Variants in DHRSX observed in about 807,000 individuals in gnomAD.
DHRSX encodes polyprenol dehydrogenase.
In DHRSX, 31 loss-of-function variants were observed where a neutral mutation model predicts 34.0. The observed-to-expected ratio is 0.91, with a 90% CI of 0.69 to 1.23. The LOEUF (loss-of-function observed/expected upper bound fraction) is 1.23. Among genes scored for constraint, DHRSX ranks in the 50% most tolerant of loss-of-function variants. The pLI, the probability that DHRSX is intolerant of heterozygous loss-of-function variation, is 0.00. For missense variants in DHRSX, 414 were observed against 428.1 expected, an observed-to-expected ratio of 0.97 and a Z score of 0.29; for synonymous variants, 201 against 183.8, an observed-to-expected ratio of 1.09 and a Z score of -0.76.
intron 3 of DHRSX, among the ~76,000 whole-genome samples, chrX:2,327,757 C>T (rs2042404120): frequency 6.6e-6 from 1 of 152,062 alleles, no homozygotes; most frequent in Admixed American, 6.6e-5. Context: ...AGGGAGGCCC[C>T]TAATCCGAGA....
intron 3 of DHRSX, among the ~76,000 whole-genome samples, chrX:2,314,495 T>G (rs1391412519): frequency 1.8e-3 from 34 of 18,394 alleles, no homozygotes; most frequent in Middle Eastern, 0.1. Context: ...GGAAGGGAGG[T>G]AAAGGAGGTA....
At chrX:2,315,029 A>G (rs2042225376) in intron 3 of DHRSX, among the ~76,000 whole-genome samples, 1 of 152,070 alleles carries the variant, frequency 6.6e-6, no homozygotes, top group African/African-American at 2.4e-5. Context: ...GTGGTGGCGC[A>G]TGCCTGTAAT....
chrX:2,314,368 GAGAGGGAAAGGAAT>G (rs1277733747), intron 3 of DHRSX, among the ~76,000 whole-genome samples: 2 of 30,988 alleles, frequency 6.5e-5, no homozygotes, highest in Non-Finnish European at 1.5e-4. Context: ...AAAGAAGGGA[GAGAGGGAAAGGAAT>G]GGAGGGAAGG....
At chrX:2,359,133 C>T (rs924973276) in intron 3 of DHRSX, among the ~76,000 whole-genome samples, 2 of 152,146 alleles carry the variant, frequency 1.3e-5, no homozygotes, top group African/African-American at 4.8e-5. Context: ...CAAAAAGGAA[C>T]ACCTAAACAC....
intron 3 of DHRSX, among the ~76,000 whole-genome samples, chrX:2,332,293 C>G (rs1466657579): frequency 6.6e-6 from 1 of 152,048 alleles, no homozygotes; most frequent in Non-Finnish European, 1.5e-5. Flanking sequence ...GTGTGGGTAG[C>G]TCGTAAGAAA....
In DHRSX at chrX:2,495,279, T is replaced by C. The variant is rs776038012; in HGVS notation, c.109+5538A>G. On this transcript the variant is annotated intron_variant, in intron 1 of 6. Coordinates refer to ENST00000334651, the MANE Select transcript of DHRSX (RefSeq NM_145177.3). The stretch of plus-strand genomic sequence containing the variant: ...GCAAAGGTTTATATTTTATCATTAT[T>C]ATCATTATTCCTATTGTTGTTATTA... Among the ~76,000 whole-genome samples, 7 of 151,762 alleles carry C rather than the reference T, an allele frequency of 4.6e-5. No homozygotes were observed. The South Asian group carries it at 1.5e-3, about 31-fold the overall frequency.
intron 6 of DHRSX, among the ~76,000 whole-genome samples, chrX:2,229,862 AGT>A (rs1378319199): frequency 6.6e-6 from 1 of 152,016 alleles, no homozygotes; most frequent in African/African-American, 2.4e-5. Flanking sequence ...GTATTGTATG[AGT>A]GTATGTGCAT....
At chrX:2,380,674 C>T (rs982467495) in intron 3 of DHRSX, among the ~76,000 whole-genome samples, 3 of 151,980 alleles carry the variant, frequency 2.0e-5, no homozygotes, top group African/African-American at 2.4e-5. Flanking sequence ...TGAGTTCTCA[C>T]GAGGTCTGAC....
At chrX:2,296,897 C>T (rs2041940032) in intron 3 of DHRSX, among the ~76,000 whole-genome samples, 2 of 38,540 alleles carry the variant, frequency 5.2e-5, no homozygotes, top group African/African-American at 1.2e-4. Context: ...GGAATAGGAC[C>T]CAGGCAGATA....
chrX:2,398,763 AG>A (rs1240163260), intron 3 of DHRSX, among the ~76,000 whole-genome samples: 2 of 140,880 alleles, frequency 1.4e-5, no homozygotes, highest in Non-Finnish European at 3.0e-5. Flanking sequence ...TCCGCCTCCC[AG>A]GTTCAAGCAA....
intron 3 of DHRSX, among the ~76,000 whole-genome samples, chrX:2,329,055 TTTAA>T (rs1456282633): frequency 6.6e-6 from 1 of 152,200 alleles, no homozygotes; most frequent in Admixed American, 6.6e-5. Flanking sequence ...ATAAAAATTA[TTTAA>T]TTATTCGGTG....
intron 3 of DHRSX, among the ~76,000 whole-genome samples, chrX:2,315,593 T>G (rs2042232497): frequency 6.6e-6 from 1 of 152,066 alleles, no homozygotes; most frequent in South Asian, 2.1e-4. Context: ...ATGAGCTGCT[T>G]AAGGAGCCAT....
intron 1 of DHRSX, among the ~76,000 whole-genome samples, chrX:2,453,047 A>G (rs2044246912): frequency 6.6e-6 from 1 of 152,214 alleles, no homozygotes; most frequent in South Asian, 2.1e-4. Context: ...AGCCATGAAA[A>G]AGGAAATCCT....
chrX:2,319,655 A>G (rs1193388292), intron 3 of DHRSX, among the ~76,000 whole-genome samples: 2 of 151,548 alleles, frequency 1.3e-5, no homozygotes, highest in Non-Finnish European at 2.9e-5. Context: ...AGCTGACTTT[A>G]TAATATACAT....
intron 1 of DHRSX, among the ~76,000 whole-genome samples, chrX:2,474,955 TA>T (rs1335820443): frequency 6.7e-6 from 1 of 149,382 alleles, no homozygotes; most frequent in African/African-American, 2.5e-5. Context: ...GGGACAGCAC[TA>T]AAGATGTTCC....
intron 3 of DHRSX, among the ~76,000 whole-genome samples, chrX:2,393,258 G>T (rs1251015274): frequency 2.0e-5 from 3 of 151,792 alleles, no homozygotes; most frequent in Admixed American, 2.0e-4. Context: ...TAAAGTAGAT[G>T]AATATAACAC....
At chrX:2,379,698 C>CA (rs2043182878) in intron 3 of DHRSX, among the ~76,000 whole-genome samples, 1 of 147,948 alleles carries the variant, frequency 6.8e-6, no homozygotes, top group African/African-American at 2.5e-5. Flanking sequence ...AGGACCCTGT[C>CA]AGTGTGGGGG....
At chrX:2,455,227 T>C (rs1456642570) in intron 1 of DHRSX, among the ~76,000 whole-genome samples, 2 of 151,794 alleles carry the variant, frequency 1.3e-5, no homozygotes, top group Non-Finnish European at 2.9e-5. Flanking sequence ...TTCTCACTGA[T>C]AAGTGGTAGG....
intron 5 of DHRSX, among the ~76,000 whole-genome samples, chrX:2,246,159 A>T: frequency 6.6e-6 from 1 of 152,128 alleles, no homozygotes; most frequent in East Asian, 1.9e-4. Context: ...TATAGTTTGA[A>T]TATCAGCATG....
Sources: allele counts gnomAD v4.1 joint callset (sites outside exome capture counted in the v4.1 genomes callset), GRCh38; gene constraint gnomAD v4.1.1; transcripts MANE v1.5; gene names NCBI Gene and HGNC (gene_info 2026-07-23, HGNC 2026-07-21).